EEA1: variants seen among roughly 807,000 people sequenced by gnomAD.
EEA1 encodes early endosome antigen 1, 162kD.
In EEA1, 111 loss-of-function variants were observed where a neutral mutation model predicts 209.2. The ratio of observed to expected loss-of-function variants is 0.53; its 90% CI spans 0.45 to 0.62. The LOEUF (loss-of-function observed/expected upper bound fraction) is 0.62. Ranked by LOEUF, EEA1 falls within the 20% of genes least tolerant of loss-of-function variation. EEA1 has a pLI of 0.00. For missense variants in EEA1, 1,343 were observed against 1,530.8 expected, an observed-to-expected ratio of 0.88 and a Z score of 2.05; for synonymous variants, 536 against 540.6, an observed-to-expected ratio of 0.99 and a Z score of 0.12.
chr12:92,780,678 C>T (rs561740404), intron 23 of EEA1, among the ~76,000 whole-genome samples: 9 of 152,190 alleles, frequency 5.9e-5, no homozygotes, highest in South Asian at 2.1e-4. Context: ...TGCAAAACTA[C>T]GATTCTTACT....
Position 92,772,235 on chromosome 12 carries a change from A to G in EEA1, c.*3776T>C, listed in dbSNP as rs1228416884. 4 of 151,924 alleles carry G rather than the reference A, an allele frequency of 2.6e-5. No homozygotes were observed. Among genetic ancestry groups the G allele is most frequent in the African/African-American group, 9.7e-5 (4 of 41,408 alleles). The allele number at this position is 151,924 out of a possible 1,614,324, so 9.4% of individuals were successfully genotyped here. On this transcript the variant is annotated 3_prime_UTR_variant, in exon 29 of 29. Coordinates refer to ENST00000322349, the MANE Select transcript of EEA1 (RefSeq NM_003566.4). ...ATCTGGGTATTAAATGCAGACACAC[A>G]ATGAAATAAGGGGTTAATTACATAT... is the stretch of plus-strand genomic sequence containing the variant.
At chr12:92,843,961 T>A (rs975859802) in intron 9 of EEA1, among the ~76,000 whole-genome samples, 1 of 152,148 alleles carries the variant, frequency 6.6e-6, no homozygotes, top group African/African-American at 2.4e-5. Flanking sequence ...GTGTGGAACT[T>A]ATTTTTTTAA....
At chr12:92,792,979 T>C (rs545640588) in intron 21 of EEA1, among the ~76,000 whole-genome samples, 1 of 152,268 alleles carries the variant, frequency 6.6e-6, no homozygotes, top group South Asian at 2.1e-4. Context: ...TGGTTCAACA[T>C]ATGCAAATCA....
intron 2 of EEA1, among the ~76,000 whole-genome samples, chr12:92,869,018 T>G (rs1453202982): frequency 6.6e-6 from 1 of 152,126 alleles, no homozygotes. Context: ...AAAAAAAAGT[T>G]TATTAAAACC....
Position 92,832,752 on chromosome 12 carries a change from G to A in EEA1, c.1014C>T (p.Thr338=), listed in dbSNP as rs202010416. 1 of 1,613,734 alleles carries A rather than the reference G, an allele frequency of 6.2e-7. No individual in the cohort carries two copies. The highest frequency in any genetic ancestry group is 1.3e-5 in the African/African-American group (1 of 74,950). The part of the protein sequence containing the change: ...ESVSKKNIQA[T]LHQKDLDCQQ... Reference sequence around the variant, plus strand: ...GACAATCTAGGTCTTTTTGATGAAGGGTTGCCTGAATATTCTTTTTACTCA... The same window carrying A: ...GACAATCTAGGTCTTTTTGATGAAGAGTTGCCTGAATATTCTTTTTACTCA... Residue 338 remains threonine, a synonymous_variant, in exon 11 of 29, where the codon ACC becomes ACT. Transcript: ENST00000322349.
At chr12:92,916,169 T>C (rs1376821190) in intron 1 of EEA1, among the ~76,000 whole-genome samples, 1 of 152,206 alleles carries the variant, frequency 6.6e-6, no homozygotes, top group Non-Finnish European at 1.5e-5. Flanking sequence ...GGTGTTTTGA[T>C]TCATCAAATA....
chr12:92,809,946 T>C (rs1315037525), intron 17 of EEA1, among the ~76,000 whole-genome samples: 1 of 152,210 alleles, frequency 6.6e-6, no homozygotes, highest in African/African-American at 2.4e-5. Context: ...TGATCCTAAA[T>C]ATAAAGCCAA....
chr12:92,916,686 C>T (rs1284924765), intron 1 of EEA1, among the ~76,000 whole-genome samples: 1 of 110,954 alleles, frequency 9.0e-6, no homozygotes, highest in East Asian at 2.0e-4. Context: ...AATCAGAGCG[C>T]CTCTCCTCCT....
At chr12:92,840,593 T>A (rs995483764) in intron 10 of EEA1, among the ~76,000 whole-genome samples, 4 of 152,240 alleles carry the variant, frequency 2.6e-5, no homozygotes, top group Non-Finnish European at 5.9e-5. Context: ...ATTACAGGCG[T>A]GAGCCACCGC....
In EEA1 at chr12:92,783,180, G is replaced by T. The variant is rs535749687; in HGVS notation, c.3151-1045C>A. Among the ~76,000 whole-genome samples the T allele has an allele frequency of 5.9e-5, 9 of 152,342 alleles. No homozygotes were observed. The South Asian group carries it at 1.7e-3, about 28-fold the overall frequency. ...AGAAGTTCTGGAAGCCTGGATTAAT[G>T]ATTGGTGTTTGGAGTTGTAGGGAGC... is the stretch of plus-strand genomic sequence containing the variant. On this transcript the variant is annotated intron_variant, in intron 22 of 28. Transcript: ENST00000322349.
rs1279174012 is a variant in EEA1 at position 92,853,073 on chromosome 12, G to A, written c.407-48C>T. The stretch of plus-strand genomic sequence containing the variant: ...TTCAAATACCATGTTAATTACATAT[G>A]CTAAATTGTTATTACTTATATTTAT... On this transcript the variant is annotated intron_variant, in intron 6 of 28. Coordinates refer to ENST00000322349, the MANE Select transcript of EEA1 (RefSeq NM_003566.4). 5 of 1,190,048 alleles carry A rather than the reference G, an allele frequency of 4.2e-6. No individual in the cohort carries two copies. In the East Asian group the frequency reaches 1.2e-4, roughly 28 times the overall value. 73.7% of individuals were successfully genotyped at this position (1,190,048 alleles called of 1,614,324 possible). A position where few individuals can be genotyped will look rare whatever the true frequency, so the allele number is the denominator to read the frequency against.
chr12:92,884,114 A>T, intron 2 of EEA1: 1 of 1,197,136 alleles, frequency 8.4e-7, no homozygotes, highest in Non-Finnish European at 1.2e-6. Flanking sequence ...GGCATTAAAC[A>T]ATGAAGAACA....
chr12:92,777,422 CAG>C (rs1192656811), intron 27 of EEA1, 119 bp downstream of exon 27: 7 of 1,105,326 alleles, frequency 6.3e-6, no homozygotes, highest in African/African-American at 6.3e-5. Context: ...TACTGCTAAA[CAG>C]AGAGTAGCTA....
At position 92,821,863 on chromosome 12, in the gene EEA1, G is replaced by A. The variant is rs759161640; in HGVS notation, c.1525-2352C>T. ...TACACATATAATTAATTAGAACCAT[G>A]TTTAATAATATAAATCTATATTATT... On this transcript the variant is annotated intron_variant, in intron 13 of 28. Transcript: ENST00000322349. Among the ~76,000 whole-genome samples, 5 of 149,428 alleles carry A rather than the reference G, an allele frequency of 3.3e-5. No individual in the cohort carries two copies. In the South Asian group the frequency reaches 6.3e-4, roughly 19 times the overall value.
chr12:92,811,955 G>A (rs897404738), intron 16 of EEA1, among the ~76,000 whole-genome samples: 4 of 152,010 alleles, frequency 2.6e-5, no homozygotes, highest in African/African-American at 7.2e-5. Flanking sequence ...CCATTCAAAT[G>A]GGCTTTTCAT....
rs1873850803 is a variant in EEA1, at chr12:92,780,318, T to C, written c.3430A>G (p.Asn1144Asp). ...CRQEKEITKL[N>D]EELKSHKLES... ...AGTTTGTGGGACTTGAGTTCTTCGT[T>C]TAGTTTAGTGATTTCTTTTTCTTGT... The change falls in exon 24 of 29, where the codon AAC (asparagine) becomes GAC (aspartate). Residue 1144 changes from asparagine (N) to aspartate (D), a missense_variant. By Grantham distance (23) the Asn-to-Asp change is conservative (BLOSUM62 1). Transcript: ENST00000322349. 1 of 1,603,578 alleles carries C rather than the reference T, an allele frequency of 6.2e-7. No homozygotes were observed. The highest frequency in any genetic ancestry group is 1.3e-5 in the African/African-American group (1 of 74,198).
chr12:92,880,333 C>G (rs1171967058), intron 2 of EEA1, among the ~76,000 whole-genome samples: 1 of 152,126 alleles, frequency 6.6e-6, no homozygotes, highest in Non-Finnish European at 1.5e-5. Flanking sequence ...GAGTTGTGGT[C>G]TCACTCTGTC....
Position 92,921,362 on chromosome 12 carries a change from A to G in EEA1, c.24+7681T>C, listed in dbSNP as rs1241550907. Among the ~76,000 whole-genome samples the G allele has an allele frequency of 1.0e-4, 12 of 115,778 alleles. No homozygotes were observed. The East Asian group carries it at 2.5e-3, about 24-fold the overall frequency. The allele number at this position is 115,778 out of a possible 152,430, so 76.0% of individuals were successfully genotyped here. Reference sequence around the variant, plus strand: ...TTGGAACCAACCCAAATGTCCAACAATGATAGACTGGATTAAGAAAATGTG... The same window carrying G: ...TTGGAACCAACCCAAATGTCCAACAGTGATAGACTGGATTAAGAAAATGTG... On this transcript the variant is annotated intron_variant, in intron 1 of 28. Coordinates refer to ENST00000322349, the MANE Select transcript of EEA1 (RefSeq NM_003566.4).
intron 1 of EEA1, among the ~76,000 whole-genome samples, chr12:92,907,416 TCA>T (rs2136772830): frequency 6.6e-6 from 1 of 152,322 alleles, no homozygotes; most frequent in Admixed American, 6.5e-5. Context: ...TATAGAACCA[TCA>T]CACACTCATT....
Sources: allele counts gnomAD v4.1 joint callset (sites outside exome capture counted in the v4.1 genomes callset), GRCh38; gene constraint gnomAD v4.1.1; transcripts MANE v1.5; gene names NCBI Gene and HGNC (gene_info 2026-07-23, HGNC 2026-07-21).